Variants in TMEM17 observed in about 807,000 individuals in gnomAD.
The protein encoded by TMEM17 is transmembrane protein 17.
TMEM17 carries 15 observed loss-of-function variants against 19.1 expected under a neutral mutation model. The ratio of observed to expected loss-of-function variants is 0.78; its 90% CI spans 0.52 to 1.21. The LOEUF is 1.21. Among genes scored for constraint, TMEM17 ranks in the 50% most tolerant of loss-of-function variants. The pLI is 0.00. For synonymous variants in TMEM17, 103 were observed against 86.9 expected, an observed-to-expected ratio of 1.19 and a Z score of -1.03; for missense variants, 245 against 242.3, an observed-to-expected ratio of 1.01 and a Z score of -0.07.
intron 1 of TMEM17, among the ~76,000 whole-genome samples, chr2:62,505,750 C>T (rs6754336): frequency 0.28 from 42,279 of 152,026 alleles, 6,358 homozygotes; most frequent in Middle Eastern, 0.4. Context: ...CAATGATGGG[C>T]CTTGCGCGGC....
chr2:62,454,735 A>T, the TMEM17 span, among the ~76,000 whole-genome samples: 3 of 152,080 alleles, frequency 2.0e-5, no homozygotes, highest in Admixed American at 6.6e-5. Flanking sequence ...ATGGAGTCTC[A>T]CTCTGTCGCC....
downstream of TMEM17, among the ~76,000 whole-genome samples, chr2:62,499,680 C>A (rs1250150841): frequency 6.6e-6 from 1 of 152,094 alleles, no homozygotes; most frequent in Non-Finnish European, 1.5e-5. Context: ...ACCTGGGAAT[C>A]CTAAGATAAG....
downstream of TMEM17, among the ~76,000 whole-genome samples, chr2:62,496,568 T>C (rs968593424): frequency 2.0e-5 from 3 of 152,310 alleles, no homozygotes; most frequent in East Asian, 5.8e-4. Context: ...GTGCTTATGA[T>C]CACAACTGTG....
chr2:62,477,132 C>T, the TMEM17 span, among the ~76,000 whole-genome samples: 15 of 152,224 alleles, frequency 9.9e-5, no homozygotes, highest in African/African-American at 3.4e-4. Context: ...AGCAGTGGCT[C>T]ACGCCTGTAA....
At chr2:62,471,343 A>G in the TMEM17 span, among the ~76,000 whole-genome samples, 1 of 152,176 alleles carries the variant, frequency 6.6e-6, no homozygotes, top group Non-Finnish European at 1.5e-5. Context: ...CAGAGGCTCC[A>G]TTAACTCGTC....
the TMEM17 span, among the ~76,000 whole-genome samples, chr2:62,471,096 C>A: frequency 6.6e-6 from 1 of 152,186 alleles, no homozygotes; most frequent in Non-Finnish European, 1.5e-5. Context: ...CCCTTGGGCC[C>A]CGTGACCTGA....
chr2:62,486,432 C>T, the TMEM17 span, among the ~76,000 whole-genome samples: 1 of 152,278 alleles, frequency 6.6e-6, no homozygotes, highest in South Asian at 2.1e-4. Context: ...CTGCCTCTGT[C>T]CCTGGAGGCC....
the TMEM17 span, among the ~76,000 whole-genome samples, chr2:62,470,215 T>C: frequency 6.6e-6 from 1 of 152,214 alleles, no homozygotes; most frequent in Non-Finnish European, 1.5e-5. Flanking sequence ...TTATGAGCAC[T>C]TCTCTCTCAA....
At chr2:62,454,360 G>A in the TMEM17 span, among the ~76,000 whole-genome samples, 3 of 152,202 alleles carry the variant, frequency 2.0e-5, no homozygotes, top group South Asian at 2.1e-4. Context: ...TGTGAATCGT[G>A]GCTGCATGAA....
At chr2:62,481,221 C>A in the TMEM17 span, among the ~76,000 whole-genome samples, 88 of 152,018 alleles carry the variant, frequency 5.8e-4, 3 homozygotes, top group South Asian at 0.018. Context: ...AAATGGATTG[C>A]TTTCCTGATT....
the TMEM17 span, among the ~76,000 whole-genome samples, chr2:62,474,287 G>T: frequency 6.6e-6 from 1 of 152,144 alleles, no homozygotes; most frequent in Non-Finnish European, 1.5e-5. Flanking sequence ...TGTGGAGAGG[G>T]ATATTTAAAT....
chr2:62,462,235 T>C, the TMEM17 span, among the ~76,000 whole-genome samples: 9 of 152,102 alleles, frequency 5.9e-5, no homozygotes, highest in Admixed American at 3.9e-4. Context: ...TTTGCCGCCA[T>C]AGGGGTCTCA....
the TMEM17 span, among the ~76,000 whole-genome samples, chr2:62,472,104 G>A: frequency 6.6e-6 from 1 of 152,234 alleles, no homozygotes; most frequent in African/African-American, 2.4e-5. Context: ...CAGATATTTT[G>A]TTCAGGGAAG....
chr2:62,503,133 T>G (rs1276344171), intron 1 of TMEM17, among the ~76,000 whole-genome samples: 2 of 152,204 alleles, frequency 1.3e-5, no homozygotes, highest in Non-Finnish European at 2.9e-5. Context: ...TTTTGTAGAA[T>G]TCTATGTAAA....
chr2:62,495,670 T>G (rs922123684), downstream of TMEM17, among the ~76,000 whole-genome samples: 3 of 152,228 alleles, frequency 2.0e-5, no homozygotes, highest in Admixed American at 6.5e-5. Context: ...GTTTGCCGCT[T>G]TGTTTTCTGC....
At chr2:62,477,876 C>T in the TMEM17 span, among the ~76,000 whole-genome samples, 7 of 152,286 alleles carry the variant, frequency 4.6e-5, no homozygotes, top group East Asian at 1.9e-4. Flanking sequence ...CTTGAGGGGC[C>T]GCCTGACCTG....
chr2:62,465,848 A>G, the TMEM17 span, among the ~76,000 whole-genome samples: 141,615 of 152,220 alleles, frequency 0.93, 66,000 homozygotes, highest in East Asian at 1. Context: ...AAAGGTACCC[A>G]GTACGTTTAG....
At chr2:62,454,598 C>T in the TMEM17 span, among the ~76,000 whole-genome samples, 220 of 152,238 alleles carry the variant, frequency 1.4e-3, 3 homozygotes, top group African/African-American at 4.1e-3. Context: ...TTTAAGGTCC[C>T]GCTCTTAAAA....
At chr2:62,467,049 C>A in the TMEM17 span, among the ~76,000 whole-genome samples, 1 of 152,066 alleles carries the variant, frequency 6.6e-6, no homozygotes, top group African/African-American at 2.4e-5. Flanking sequence ...AGGTGAGACC[C>A]AGGAATCAGT....
Sources: allele counts gnomAD v4.1 joint callset (sites outside exome capture counted in the v4.1 genomes callset), GRCh38; gene constraint gnomAD v4.1.1; transcripts MANE v1.5; gene names NCBI Gene and HGNC (gene_info 2026-07-23, HGNC 2026-07-21).